JAKMIP1: variants seen among roughly 807,000 people sequenced by gnomAD.
JAKMIP1 encodes the protein janus kinase and microtubule-interacting protein 1.
In JAKMIP1, 33 loss-of-function variants were observed where a neutral mutation model predicts 113.0. The ratio of observed to expected loss-of-function variants is 0.29; its 90% CI spans 0.22 to 0.39. The LOEUF (loss-of-function observed/expected upper bound fraction) is 0.39. Ranked by LOEUF, JAKMIP1 falls within the 10% of genes least tolerant of loss-of-function variation. JAKMIP1 has a pLI of 1.00. For missense variants in JAKMIP1, 813 were observed against 1,080.5 expected (o/e 0.75, Z 3.47); for synonymous variants, 480 against 459.9 (o/e 1.04, Z -0.56).
chr4:6,138,492 C>T lies in JAKMIP1; in HGVS notation c.-147-25495G>A, dbSNP rs922322056. The stretch of plus-strand genomic sequence containing the variant: ...CCTCACGTGATCCACCTGCCTCGGC[C>T]TCCCAAAATGCTGGGATTACAGGCG... On this transcript the variant is annotated intron_variant, in intron 1 of 20. Coordinates refer to ENST00000409021, the MANE Select transcript of JAKMIP1 (RefSeq NM_001099433.2). The surrounding 1 kb of genome is among the most constrained non-coding windows in gnomAD (Gnocchi z 6.0). 5.3e-5 allele frequency among the ~76,000 whole-genome samples: 8 copies of T among 151,740 alleles called. No individual in the cohort carries two copies. Among genetic ancestry groups the T allele is most frequent in the Admixed American group, 3.3e-4 (5 of 15,284 alleles).
intron 16 of JAKMIP1, among the ~76,000 whole-genome samples, chr4:6,047,939 C>T (rs9992740): frequency 0.033 from 4,963 of 152,204 alleles, 273 homozygotes; most frequent in African/African-American, 0.11. Context: ...ATGTAAAGCA[C>T]TCAGAGAAGT....
chr4:6,109,150 T>C (rs1714467291), intron 2 of JAKMIP1, among the ~76,000 whole-genome samples: 1 of 140,452 alleles, frequency 7.1e-6, no homozygotes, highest in African/African-American at 2.7e-5. Flanking sequence ...TTTTTTTTTT[T>C]GAGTCGGAGT....
chr4:6,115,271 G>T (rs1032106826), intron 1 of JAKMIP1, among the ~76,000 whole-genome samples: 1 of 152,160 alleles, frequency 6.6e-6, no homozygotes, highest in Non-Finnish European at 1.5e-5. Flanking sequence ...TTAGCAGGGC[G>T]TGGTGGTGCG....
intron 2 of JAKMIP1, among the ~76,000 whole-genome samples, chr4:6,110,183 G>C (rs142361676): frequency 0.011 from 1,705 of 152,294 alleles, 18 homozygotes; most frequent in Non-Finnish European, 0.016. Flanking sequence ...TCCATTTGGA[G>C]ATAGATCCTA....
At chr4:6,048,405 T>C (rs1715258777) in intron 16 of JAKMIP1, among the ~76,000 whole-genome samples, 1 of 152,170 alleles carries the variant, frequency 6.6e-6, no homozygotes, top group Non-Finnish European at 1.5e-5. Context: ...TGCATGATGG[T>C]AGAAAGAAAT....
chr4:6,180,989 C>T lies in JAKMIP1; in HGVS notation c.-148+19264G>A, dbSNP rs1725954462. 6.6e-6 allele frequency among the ~76,000 whole-genome samples: 1 copy of T among 152,126 alleles called. No individual in the cohort carries two copies. The highest frequency in any genetic ancestry group is 6.5e-5 in the Admixed American group (1 of 15,282). ...CCAGAAAAGGCCCCAGCCATCAGGT[C>T]GTTTCTGTCTCACCTCTGCTGAAAT... On this transcript the variant is annotated intron_variant, in intron 1 of 20. Transcript: ENST00000409021. The surrounding 1 kb of genome is among the most constrained non-coding windows in gnomAD (Gnocchi z 4.5).
rs1434411204 is a variant in JAKMIP1, at chr4:6,093,788, A to C, written c.625-8159T>G. 6.6e-6 allele frequency among the ~76,000 whole-genome samples: 1 copy of C among 152,184 alleles called. No homozygotes were observed. The highest frequency in any genetic ancestry group is 2.4e-5 in the African/African-American group (1 of 41,448). On this transcript the variant is annotated intron_variant, in intron 3 of 20. Transcript: ENST00000409021. This position sits in a 1 kb window ranked among gnomAD's most constrained non-coding sequence, Gnocchi z 4.6. ...GGGAAGAGGTCACTTTCCTCAAAGA[A>C]GGAGCCAGGTTTGCCCGTGGTAGGA...
intron 1 of JAKMIP1, among the ~76,000 whole-genome samples, chr4:6,144,256 C>T (rs1720536750): frequency 6.6e-6 from 1 of 152,224 alleles, no homozygotes; most frequent in South Asian, 2.1e-4. Context: ...ATACTTAACA[C>T]CTAGATACGT....
rs893774635 is a variant in JAKMIP1, at chr4:6,181,914, T to G, written c.-148+18339A>C. On this transcript the variant is annotated intron_variant, in intron 1 of 20. Coordinates refer to ENST00000409021, the MANE Select transcript of JAKMIP1 (RefSeq NM_001099433.2). The surrounding 1 kb of genome is among the most constrained non-coding windows in gnomAD (Gnocchi z 5.4). ...GGGACCCGCCCTGGCCTTGGGAGGA[T>G]GGGTGATGCCCAAGGAGATGAGCCT... 3.3e-5 allele frequency among the ~76,000 whole-genome samples: 5 copies of G among 152,028 alleles called. No homozygotes were observed. Among genetic ancestry groups the G allele is most frequent in the African/African-American group, 1.2e-4 (5 of 41,466 alleles).
Position 6,156,559 on chromosome 4 carries a change from G to GC in JAKMIP1, c.-147-43563dup. On this transcript the variant is annotated intron_variant, in intron 1 of 20. Transcript: ENST00000409021. The surrounding 1 kb of genome is among the most constrained non-coding windows in gnomAD (Gnocchi z 5.0). ...CATCTGTTCTGAGCGTTCGGCTTCA[G>GC]CCCCCAGTCATCCTGGTGACCCAGG... 6.6e-6 allele frequency among the ~76,000 whole-genome samples: 1 copy of GC among 152,330 alleles called. No individual in the cohort carries two copies. The highest frequency in any genetic ancestry group is 2.1e-4 in the South Asian group (1 of 4,816).
rs575615563 is a variant in JAKMIP1 at position 6,060,381 on chromosome 4, C to T, written c.1644+43G>A. On this transcript the variant is annotated intron_variant, in intron 11 of 20. Coordinates refer to ENST00000409021, the MANE Select transcript of JAKMIP1 (RefSeq NM_001099433.2). Reference sequence around the variant, plus strand: ...AGCCCCAGGGATACCACCAAGGGGACAGAAAGGCTAAGATTCACAGAGCAC... The same window carrying T: ...AGCCCCAGGGATACCACCAAGGGGATAGAAAGGCTAAGATTCACAGAGCAC... 1.6e-4 allele frequency: 229 copies of T among 1,466,834 alleles called. 1 individual carries two copies. The East Asian group carries it at 4.0e-3, about 25-fold the overall frequency. 90.9% of individuals were successfully genotyped at this position (1,466,834 alleles called of 1,614,324 possible). A position where few individuals can be genotyped will look rare whatever the true frequency, so the allele number is the denominator to read the frequency against.
At position 6,042,089 on chromosome 4, in the gene JAKMIP1, C is replaced by T. The variant is rs1044847468; in HGVS notation, c.2097+70G>A. ...ATCATTAGGAAAACACATGCAAAGC[C>T]TTCCTGCAAATCAACCTCTCTGAGC... On this transcript the variant is annotated intron_variant, in intron 17 of 20. Transcript: ENST00000409021. This position sits in a 1 kb window ranked among gnomAD's most constrained non-coding sequence, Gnocchi z 5.2. The T allele has an allele frequency of 7.9e-6, 10 of 1,265,448 alleles. No individual in the cohort carries two copies. Among genetic ancestry groups the T allele is most frequent in the Non-Finnish European group, 1.1e-5 (10 of 869,832 alleles). The allele number at this position is 1,265,448 out of a possible 1,614,324, so 78.4% of individuals were successfully genotyped here. A position where few individuals can be genotyped will look rare whatever the true frequency, so the allele number is the denominator to read the frequency against.
rs1720500094 is a variant in JAKMIP1, at chr4:6,143,943, C to A, written c.-147-30946G>T. On this transcript the variant is annotated intron_variant, in intron 1 of 20. Transcript: ENST00000409021. This position sits in a 1 kb window ranked among gnomAD's most constrained non-coding sequence, Gnocchi z 4.9. ...TCCTTCTCAGTCTCCAGGGCTGGAG[C>A]AGGGACCACAGCATCTGCCTCACAG... Among the ~76,000 whole-genome samples the A allele has an allele frequency of 6.6e-6, 1 of 152,170 alleles. No individual in the cohort carries two copies. Among genetic ancestry groups the A allele is most frequent in the Non-Finnish European group, 1.5e-5 (1 of 68,028 alleles).
intron 11 of JAKMIP1, among the ~76,000 whole-genome samples, chr4:6,057,436 T>C (rs969964781): frequency 6.6e-6 from 1 of 152,088 alleles, no homozygotes; most frequent in Non-Finnish European, 1.5e-5. Flanking sequence ...CTGAGTCTTG[T>C]TGTTCTAGGA....
At chr4:6,120,382 A>G (rs1258449928) in intron 1 of JAKMIP1, among the ~76,000 whole-genome samples, 1 of 152,230 alleles carries the variant, frequency 6.6e-6, no homozygotes, top group Non-Finnish European at 1.5e-5. Flanking sequence ...TCCCGAAAGG[A>G]AAGAGCAATC....
chr4:6,173,121 A>G (rs905163946), intron 1 of JAKMIP1, among the ~76,000 whole-genome samples: 4 of 152,178 alleles, frequency 2.6e-5, no homozygotes, highest in Non-Finnish European at 5.9e-5. Flanking sequence ...CAAGCACAGG[A>G]AAAAGTTCAG....
At chr4:6,170,920 C>T (rs535076141) in intron 1 of JAKMIP1, among the ~76,000 whole-genome samples, 1 of 150,170 alleles carries the variant, frequency 6.7e-6, no homozygotes, top group African/African-American at 2.5e-5. Flanking sequence ...CCGCCACCAC[C>T]TTTCTTACCA....
chr4:6,033,116 C>T (rs1712962230), intron 19 of JAKMIP1, among the ~76,000 whole-genome samples: 1 of 152,208 alleles, frequency 6.6e-6, no homozygotes, highest in Non-Finnish European at 1.5e-5. Context: ...GGAAAGGTGC[C>T]ATTCACTAAT....
chr4:6,155,368 A>G lies in JAKMIP1; in HGVS notation c.-147-42371T>C, dbSNP rs1015483697. 2.6e-5 allele frequency among the ~76,000 whole-genome samples: 4 copies of G among 152,132 alleles called. No homozygotes were observed. The highest frequency in any genetic ancestry group is 2.6e-4 in the Admixed American group (4 of 15,262). On this transcript the variant is annotated intron_variant, in intron 1 of 20. Transcript: ENST00000409021. This position sits in a 1 kb window ranked among gnomAD's most constrained non-coding sequence, Gnocchi z 6.1. Reference sequence around the variant, plus strand: ...GTCAGCTCTGCTCCAAGCACTTTATATTTAACCCTCAAGAGAACCCTAAAA... The same window carrying G: ...GTCAGCTCTGCTCCAAGCACTTTATGTTTAACCCTCAAGAGAACCCTAAAA...
Sources: allele counts gnomAD v4.1 joint callset (sites outside exome capture counted in the v4.1 genomes callset), GRCh38; gene constraint gnomAD v4.1.1; non-coding constraint Gnocchi (gnomAD v3.1); transcripts MANE v1.5; gene names NCBI Gene and HGNC (gene_info 2026-07-23, HGNC 2026-07-21).